Variants in TGS1 observed in about 807,000 individuals in gnomAD.
The protein encoded by TGS1 is trimethylguanosine synthase.
TGS1 carries 69 observed loss-of-function variants against 92.2 expected under a neutral mutation model. That is an observed-to-expected ratio of 0.75 (90% confidence interval 0.62 to 0.91). The LOEUF (loss-of-function observed/expected upper bound fraction) is 0.91. Among genes scored for constraint, TGS1 ranks in the 40% least tolerant of loss-of-function variants. The probability of loss-of-function intolerance (pLI) is 0.00; values close to 1 mark genes in which losing one functional copy is unlikely to be tolerated. For missense variants in TGS1, 1,062 were observed against 1,001.2 expected (o/e 1.06, Z -0.82); for synonymous variants, 345 against 338.1 (o/e 1.02, Z -0.22).
chr8:55,802,650 C>T, intron 9 of TGS1, 44 bp downstream of exon 9: 1 of 1,544,086 alleles, frequency 6.5e-7, no homozygotes, highest in Non-Finnish European at 8.8e-7. Context: ...GAAACCACTT[C>T]AAACTTAAAA....
At chr8:55,808,327 A>G (rs971348263) in intron 10 of TGS1, among the ~76,000 whole-genome samples, 1 of 152,096 alleles carries the variant, frequency 6.6e-6, no homozygotes, top group Non-Finnish European at 1.5e-5. Context: ...TAAAATCAAT[A>G]TTTATTGCCT....
chr8:55,783,486 G>A (rs1032117356), intron 2 of TGS1, among the ~76,000 whole-genome samples: 8 of 152,132 alleles, frequency 5.3e-5, no homozygotes, highest in African/African-American at 1.4e-4. Context: ...GGTAAATGCT[G>A]CAGGATAAAA....
intron 6 of TGS1, among the ~76,000 whole-genome samples, chr8:55,793,733 AATTTATTTATTTATTTATTTATTTATTT>A (rs143163863): frequency 1.4e-5 from 2 of 144,876 alleles, no homozygotes; most frequent in Non-Finnish European, 3.0e-5. Context: ...ATGCCCTGCT[AATTTATTTATTTATTTATTTATTTATTT>A]ATTTATTTAT....
intron 1 of TGS1, among the ~76,000 whole-genome samples, chr8:55,781,618 C>T (rs1282552563): frequency 6.6e-6 from 1 of 152,200 alleles, no homozygotes; most frequent in Non-Finnish European, 1.5e-5. Context: ...ACCCCCAGTG[C>T]CCATGTTCCT....
intron 12 of TGS1, among the ~76,000 whole-genome samples, chr8:55,823,759 AT>A (rs1427984402): frequency 1.4e-4 from 21 of 152,192 alleles, no homozygotes; most frequent in Admixed American, 1.1e-3. Context: ...ATCTTTAAAT[AT>A]TTTTGTTAAG....
Position 55,782,807 on chromosome 8 carries a change from A to G in TGS1, c.161A>G (p.Asn54Ser). The change falls in exon 2 of 13, where the codon AAT (asparagine) becomes AGT (serine). Residue 54 changes from asparagine to serine, a missense_variant. Transcript: ENST00000260129. ...KGYYIRDSGN[N>S]SGDQATEEEE... ...TATTACATCAGAGACAGTGGCAACAATTCAGGTAATATAGTATAAAATTCT... is the reference window on the plus strand; with the variant it reads ...TATTACATCAGAGACAGTGGCAACAGTTCAGGTAATATAGTATAAAATTCT... 1 of 1,603,270 alleles carries G rather than the reference A, an allele frequency of 6.2e-7. No homozygotes were observed.
chr8:55,812,495 CAAAAAAAAA>C (rs59611291), intron 11 of TGS1, among the ~76,000 whole-genome samples: 2 of 98,360 alleles, frequency 2.0e-5, no homozygotes, highest in Admixed American at 1.1e-4. Context: ...GACTCTGTCT[CAAAAAAAAA>C]AAAAAAAAAA....
At chr8:55,790,157 T>TA in intron 4 of TGS1, 25 bp from the exon 5 acceptor site, 1 of 1,559,396 alleles carries the variant, frequency 6.4e-7, no homozygotes, top group South Asian at 1.1e-5. Context: ...GGGGAAAAGC[T>TA]ACTGCAATAT....
At chr8:55,781,716 T>G (rs1811567783) in intron 1 of TGS1, among the ~76,000 whole-genome samples, 1 of 152,222 alleles carries the variant, frequency 6.6e-6, no homozygotes, top group South Asian at 2.1e-4. Flanking sequence ...TTACATTTAA[T>G]ATAGTATCTC....
rs557873178 is a variant in TGS1, at chr8:55,802,941, C to G, written c.1999+335C>G. On this transcript the variant is annotated intron_variant, in intron 9 of 12. Transcript: ENST00000260129. ...TTATACTCTAATTTCATTAATTGTC[C>G]TAATCTTGTCCTTTATCACGTTTTT... Among the ~76,000 whole-genome samples, 890 of 151,426 alleles carry G rather than the reference C, an allele frequency of 5.9e-3. 5 individuals are homozygous for G. Among genetic ancestry groups the G allele is most frequent in the African/African-American group, 0.02 (835 of 41,206 alleles).
chr8:55,774,056 G>C, intron 1 of TGS1, among the ~76,000 whole-genome samples: 1 of 152,216 alleles, frequency 6.6e-6, no homozygotes, highest in East Asian at 1.9e-4. Flanking sequence ...GTCATAAAGT[G>C]AAAGTTTAAA....
intron 8 of TGS1, among the ~76,000 whole-genome samples, 170 bp from the exon 9 acceptor site, chr8:55,802,287 G>A (rs560728331): frequency 1.1e-4 from 16 of 152,166 alleles, no homozygotes; most frequent in Non-Finnish European, 2.1e-4. Flanking sequence ...AAATGCTGGT[G>A]GTGATTGAAG....
At chr8:55,777,302 T>C (rs908861351) in intron 1 of TGS1, among the ~76,000 whole-genome samples, 1 of 151,654 alleles carries the variant, frequency 6.6e-6, no homozygotes, top group Non-Finnish European at 1.5e-5. Context: ...TTTTTTTTTT[T>C]TTAGCCAGAA....
Position 55,786,601 on chromosome 8 carries a change from G to A in TGS1, c.703G>A (p.Glu235Lys). Reference protein sequence around the residue: ...SEPWNFPDTKEEWEQHYSQLY... With the variant: ...SEPWNFPDTKKEWEQHYSQLY... ...ACCTTGGAACTTTCCTGATACAAAGGAAGAATGGGAGCAACATTATAGTCA... is the reference window on the plus strand; with the variant it reads ...ACCTTGGAACTTTCCTGATACAAAGAAAGAATGGGAGCAACATTATAGTCA... The change falls in exon 4 of 13, where the codon GAA (glutamate) becomes AAA (lysine). Residue 235 changes from glutamate (E) to lysine (K), a missense_variant. Coordinates refer to ENST00000260129, the MANE Select transcript of TGS1 (RefSeq NM_024831.8). 2.5e-6 allele frequency: 4 copies of A among 1,614,144 alleles called. No homozygotes were observed. The highest frequency in any genetic ancestry group is 3.4e-6 in the Non-Finnish European group (4 of 1,180,018).
chr8:55,818,108 G>C (rs1563471471), intron 12 of TGS1, among the ~76,000 whole-genome samples: 1 of 152,168 alleles, frequency 6.6e-6, no homozygotes, highest in Non-Finnish European at 1.5e-5. Context: ...TCATTACCAA[G>C]AAGAAACAGA....
chr8:55,823,702 G>T (rs1803715349), intron 12 of TGS1, among the ~76,000 whole-genome samples: 1 of 152,068 alleles, frequency 6.6e-6, no homozygotes, highest in Admixed American at 6.6e-5. Context: ...AGGGTGAGAT[G>T]CAGATGGTAA....
intron 1 of TGS1, among the ~76,000 whole-genome samples, chr8:55,777,846 A>T (rs927963908): frequency 2.7e-4 from 41 of 152,132 alleles, no homozygotes; most frequent in African/African-American, 9.9e-4. Flanking sequence ...TTACTATCGC[A>T]ATTATCCTAA....
chr8:55,790,966 TTC>T (rs3058135), intron 5 of TGS1, among the ~76,000 whole-genome samples: 41 of 149,538 alleles, frequency 2.7e-4, no homozygotes, highest in African/African-American at 5.4e-4. Flanking sequence ...AATTCATATC[TTC>T]TCTCTCTCTC....
intron 10 of TGS1, among the ~76,000 whole-genome samples, chr8:55,809,364 C>T (rs1290681240): frequency 6.6e-6 from 1 of 152,074 alleles, no homozygotes; most frequent in African/African-American, 2.4e-5. Flanking sequence ...TATATCTGTG[C>T]TGTCCAATAT....
Sources: gnomAD v4.1 joint callset for allele counts (sites outside exome capture counted in the v4.1 genomes callset) on GRCh38, gnomAD v4.1.1 for gene constraint, MANE v1.5 for transcripts, NCBI Gene and HGNC (gene_info 2026-07-23, HGNC 2026-07-21) for gene names.